Variants in FGF20 observed in about 807,000 individuals in gnomAD.
FGF20 encodes fibroblast growth factor 20.
A neutral mutation model predicts 16.7 loss-of-function variants in FGF20; 8 were observed. The observed-to-expected ratio is 0.48, with a 90% CI of 0.28 to 0.87. The LOEUF (loss-of-function observed/expected upper bound fraction) is 0.87. FGF20 is among the 40% of genes least tolerant of loss of function. The pLI is 0.10. For missense variants in FGF20, 397 were observed against 281.4 expected (o/e 1.41, Z -2.94); for synonymous variants, 161 against 118.6 (o/e 1.36, Z -2.32).
chr8:16,993,525 T>A (rs1486809493), intron 2 of FGF20, among the ~76,000 whole-genome samples: 1 of 151,002 alleles, frequency 6.6e-6, no homozygotes, highest in African/African-American at 2.4e-5. Context: ...AAAGTTGCAG[T>A]CCCCACCTCT....
intron 1 of FGF20, among the ~76,000 whole-genome samples, chr8:16,998,677 C>T (rs1274454525): frequency 6.6e-6 from 1 of 151,908 alleles, no homozygotes; most frequent in Non-Finnish European, 1.5e-5. Flanking sequence ...ACCCACAATG[C>T]AACCACATCA....
intron 1 of FGF20, 110 bp downstream of exon 1, chr8:17,001,637 C>A: frequency 7.8e-7 from 1 of 1,280,912 alleles, no homozygotes; most frequent in African/African-American, 1.5e-5. Flanking sequence ...GAGCTCCGGG[C>A]TCCGCGCGGC....
Position 17,002,102 on chromosome 8 carries a change from T to A in FGF20, c.-70A>T. The A allele has an allele frequency of 7.0e-7, 1 of 1,426,192 alleles. No individual in the cohort carries two copies. Among genetic ancestry groups the A allele is most frequent in the Non-Finnish European group, 9.2e-7 (1 of 1,088,578 alleles). The allele number at this position is 1,426,192 out of a possible 1,614,324, so 88.3% of individuals were successfully genotyped here. A position where few individuals can be genotyped will look rare whatever the true frequency, so the allele number is the denominator to read the frequency against. ...GTTGTGGGGGTGGGATGGAGGTGGA[T>A]AGAGAAAAATTATAGCAAAACGAGC... On this transcript the variant is annotated 5_prime_UTR_variant, in exon 1 of 3. Coordinates refer to ENST00000180166, the MANE Select transcript of FGF20 (RefSeq NM_019851.3).
At chr8:16,995,311 C>T (rs1409518955) in intron 2 of FGF20, among the ~76,000 whole-genome samples, 1 of 152,194 alleles carries the variant, frequency 6.6e-6, no homozygotes, top group African/African-American at 2.4e-5. Flanking sequence ...CTTAAATAAA[C>T]ATAAAGGTGA....
chr8:16,999,800 A>T (rs1293466703), intron 1 of FGF20, among the ~76,000 whole-genome samples: 1 of 151,194 alleles, frequency 6.6e-6, no homozygotes, highest in African/African-American at 2.4e-5. Flanking sequence ...CGGCCTCCCA[A>T]AGCGCTGGGA....
chr8:16,999,767 C>A (rs551917562), intron 1 of FGF20, among the ~76,000 whole-genome samples: 14 of 150,616 alleles, frequency 9.3e-5, no homozygotes, highest in Middle Eastern at 3.4e-3. Context: ...TCTTGAACTC[C>A]TGACCTCATG....
rs374136833 is a variant in FGF20, at chr8:16,997,507, G to C, written c.287-1749C>G. On this transcript the variant is annotated intron_variant, in intron 1 of 2. Transcript: ENST00000180166. ...TATGCTGGGCTCTATTCTATCCAAA[G>C]CCTAATTCACTCTTTGTCAGAAACA... Among the ~76,000 whole-genome samples, 4 of 152,264 alleles carry C rather than the reference G, an allele frequency of 2.6e-5. No homozygotes were observed. The South Asian group carries it at 8.3e-4, about 32-fold the overall frequency.
At chr8:16,999,585 T>C (rs1214032047) in intron 1 of FGF20, among the ~76,000 whole-genome samples, 2 of 145,044 alleles carry the variant, frequency 1.4e-5, no homozygotes, top group African/African-American at 5.1e-5. Flanking sequence ...TGCAGTGGTG[T>C]GATCTTGGCT....
intron 1 of FGF20, among the ~76,000 whole-genome samples, chr8:16,997,167 A>C (rs1810074212): frequency 6.6e-6 from 1 of 152,162 alleles, no homozygotes; most frequent in Non-Finnish European, 1.5e-5. Context: ...AAAAAGAAAA[A>C]CTTAACACCT....
intron 2 of FGF20, among the ~76,000 whole-genome samples, chr8:16,994,475 G>GC: frequency 6.6e-6 from 1 of 152,078 alleles, no homozygotes; most frequent in East Asian, 1.9e-4. Flanking sequence ...TTGTGTGCAT[G>GC]TTTTTTCTAT....
At chr8:16,996,270 C>G (rs1050375392) in intron 1 of FGF20, among the ~76,000 whole-genome samples, 1 of 152,088 alleles carries the variant, frequency 6.6e-6, no homozygotes, top group Non-Finnish European at 1.5e-5. Context: ...ACAAGGACCT[C>G]TGCTTTTAAC....
chr8:16,998,101 C>G (rs760825624), intron 1 of FGF20, among the ~76,000 whole-genome samples: 46 of 152,118 alleles, frequency 3.0e-4, no homozygotes, highest in Non-Finnish European at 6.0e-4. Context: ...TATAACAAAT[C>G]TCATAAAGTG....
In FGF20 at chr8:16,992,895, A is replaced by G; in HGVS notation, c.*177T>C. On this transcript the variant is annotated 3_prime_UTR_variant, in exon 3 of 3. Transcript: ENST00000180166. ...CACATATAAAGAGTGATCATGATCT[A>G]TTTCTAGTCAAAATTTTTTTTGGTT... 1.5e-6 allele frequency: 1 copy of G among 688,266 alleles called. No individual in the cohort carries two copies. Among genetic ancestry groups the G allele is most frequent in the Non-Finnish European group, 2.4e-6 (1 of 421,930 alleles). The allele number at this position is 688,266 out of a possible 1,614,324, so 42.6% of individuals were successfully genotyped here.
intron 1 of FGF20, 35 bp from the exon 2 acceptor site, chr8:16,995,793 T>A (rs562748777): frequency 1.1e-5 from 14 of 1,244,514 alleles, no homozygotes; most frequent in Non-Finnish European, 1.4e-5. Context: ...AACACCATGT[T>A]TTGTATTTAT....
chr8:16,998,818 T>A (rs1413889190), intron 1 of FGF20, among the ~76,000 whole-genome samples: 1 of 151,832 alleles, frequency 6.6e-6, no homozygotes, highest in East Asian at 1.9e-4. Context: ...TCCTGCTGTG[T>A]ACTACTGTGT....
Position 17,001,935 on chromosome 8 carries a change from C to A in FGF20, c.98G>T (p.Arg33Leu), listed in dbSNP as rs1333634965. 2 of 1,494,534 alleles carry A rather than the reference C, an allele frequency of 1.3e-6. No homozygotes were observed. The highest frequency in any genetic ancestry group is 1.8e-6 in the Non-Finnish European group (2 of 1,123,402). The allele number at this position is 1,494,534 out of a possible 1,614,324, so 92.6% of individuals were successfully genotyped here. A position where few individuals can be genotyped will look rare whatever the true frequency, so the allele number is the denominator to read the frequency against. ...CCTGCGCTCGCCCAGCAGCGGCGGC[C>A]GCTCCCCGGCAGGAGGCAACAGGAA... Reference protein sequence around the residue: ...SHFLLPPAGERPPLLGERRSA... With the variant: ...SHFLLPPAGELPPLLGERRSA... The change falls in exon 1 of 3, where the codon CGG becomes CTG. Residue 33 changes from arginine to leucine, a missense_variant. Coordinates refer to ENST00000180166, the MANE Select transcript of FGF20 (RefSeq NM_019851.3).
chr8:17,002,206 T>G lies in FGF20; in HGVS notation c.-174A>C, dbSNP rs1175447080. ...ACTGAAATGGCAGGGAAGCTCTCAC[T>G]GTCTTGGAGCGATCTTCTCTCCTTG... On this transcript the variant is annotated 5_prime_UTR_variant, in exon 1 of 3. Coordinates refer to ENST00000180166, the MANE Select transcript of FGF20 (RefSeq NM_019851.3). 3.5e-6 allele frequency: 2 copies of G among 577,856 alleles called. No individual in the cohort carries two copies. The highest frequency in any genetic ancestry group is 2.7e-6 in the Non-Finnish European group (1 of 366,214). The allele number at this position is 577,856 out of a possible 1,614,324, so 35.8% of individuals were successfully genotyped here.
intron 2 of FGF20, among the ~76,000 whole-genome samples, 165 bp from the exon 3 acceptor site, chr8:16,993,482 T>C (rs898629875): frequency 1.3e-4 from 20 of 152,218 alleles, no homozygotes; most frequent in African/African-American, 4.6e-4. Flanking sequence ...CTCTGATTCT[T>C]AGTGCAGGTG....
Position 16,992,788 on chromosome 8 carries a change from T to C in FGF20, c.*284A>G. On this transcript the variant is annotated 3_prime_UTR_variant, in exon 3 of 3. Coordinates refer to ENST00000180166, the MANE Select transcript of FGF20 (RefSeq NM_019851.3). ...GGCACCAGCAGCAACCATGTGAGGG[T>C]TCCCATTATCCACAGTTTAACAGAT... is the stretch of plus-strand genomic sequence containing the variant. The C allele has an allele frequency of 3.9e-6, 1 of 255,530 alleles. No homozygotes were observed. The highest frequency in any genetic ancestry group is 1.0e-4 in the South Asian group (1 of 9,998). The allele number at this position is 255,530 out of a possible 1,614,324, so 15.8% of individuals were successfully genotyped here.
Sources: gnomAD v4.1 joint callset for allele counts (sites outside exome capture counted in the v4.1 genomes callset) on GRCh38, gnomAD v4.1.1 for gene constraint, MANE v1.5 for transcripts, NCBI Gene and HGNC (gene_info 2026-07-23, HGNC 2026-07-21) for gene names.